Variants in RYR3 observed in about 807,000 individuals in gnomAD.
RYR3 encodes brain ryanodine receptor-calcium release channel.
Under a neutral mutation model 584.3 loss-of-function variants are expected in RYR3, and 207 were observed. The ratio of observed to expected loss-of-function variants is 0.35; its 90% CI spans 0.32 to 0.40. RYR3 has a LOEUF of 0.40. RYR3 is among the 10% of genes least tolerant of loss of function. The pLI, the probability that RYR3 is intolerant of heterozygous loss-of-function variation, is 1.00. For missense variants in RYR3, 5,616 were observed against 6,089.2 expected (o/e 0.92, Z 2.59); for synonymous variants, 2,416 against 2,248.5 (o/e 1.07, Z -2.11).
At chr15:33,853,773 T>G in intron 96 of RYR3, 91 bp downstream of exon 96, 1 of 1,500,004 alleles carries the variant, frequency 6.7e-7, no homozygotes, top group South Asian at 1.3e-5. Context: ...GTGTCTTTGT[T>G]CTCTCAGGCT....
chr15:33,493,817 A>G (rs552105522), intron 2 of RYR3, among the ~76,000 whole-genome samples: 1 of 152,330 alleles, frequency 6.6e-6, no homozygotes, highest in Non-Finnish European at 1.5e-5. Flanking sequence ...GTGCTGTGGC[A>G]CACACTAGTA....
intron 60 of RYR3, among the ~76,000 whole-genome samples, chr15:33,759,648 A>G (rs2072230628): frequency 6.6e-6 from 1 of 152,232 alleles, no homozygotes; most frequent in Non-Finnish European, 1.5e-5. Flanking sequence ...GACTATGTGA[A>G]AAGACCAAAC....
At chr15:33,388,152 G>C (rs972223177) in intron 1 of RYR3, among the ~76,000 whole-genome samples, 1 of 152,028 alleles carries the variant, frequency 6.6e-6, no homozygotes, top group African/African-American at 2.4e-5. Context: ...ATAAGAACAG[G>C]CCACCTGCAA....
chr15:33,853,490 C>G (rs2152998821), intron 95 of RYR3, 65 bp from the exon 96 acceptor site: 2 of 1,578,370 alleles, frequency 1.3e-6, no homozygotes, highest in East Asian at 2.3e-5. Context: ...TCTGAAGACC[C>G]CAGAGCTAGA....
intron 5 of RYR3, 72 bp downstream of exon 5, chr15:33,533,461 G>A (rs1446832931): frequency 3.9e-6 from 4 of 1,036,070 alleles, no homozygotes; most frequent in Admixed American, 2.0e-5. Context: ...GAAGGACCCT[G>A]AATGCGTTAC....
At chr15:33,470,260 C>G (rs2048823016) in intron 1 of RYR3, among the ~76,000 whole-genome samples, 3 of 152,252 alleles carry the variant, frequency 2.0e-5, no homozygotes, top group East Asian at 1.9e-4. Context: ...ACTTTCTTCT[C>G]TTTATTTTGT....
chr15:33,359,549 T>C (rs533198009), intron 1 of RYR3, among the ~76,000 whole-genome samples: 133 of 152,296 alleles, frequency 8.7e-4, no homozygotes, highest in Non-Finnish European at 1.5e-3. Context: ...TTCACTGAGG[T>C]TTCTGCTCAA....
intron 3 of RYR3, among the ~76,000 whole-genome samples, chr15:33,523,867 G>A (rs576273453): frequency 6.3e-4 from 96 of 152,172 alleles, no homozygotes; most frequent in Admixed American, 1.7e-3. Context: ...GTCAGGTATC[G>A]TCAATAAAGG....
chr15:33,464,821 C>T (rs1427813277), intron 1 of RYR3, among the ~76,000 whole-genome samples: 1 of 151,982 alleles, frequency 6.6e-6, no homozygotes, highest in East Asian at 1.9e-4. Flanking sequence ...CCGTGCTGTA[C>T]ATTAGAGCTC....
chr15:33,803,923 A>T (rs1308659779), intron 69 of RYR3, among the ~76,000 whole-genome samples: 1 of 152,230 alleles, frequency 6.6e-6, no homozygotes, highest in Non-Finnish European at 1.5e-5. Flanking sequence ...TGATACCAGG[A>T]CTTGGATCCT....
chr15:33,419,660 CTTCA>C (rs1167844366), intron 1 of RYR3, among the ~76,000 whole-genome samples: 2 of 152,072 alleles, frequency 1.3e-5, no homozygotes, highest in Non-Finnish European at 1.5e-5. Flanking sequence ...GTTTTAGGGG[CTTCA>C]TTTTCTTTAT....
rs544118034 is a variant in RYR3, at chr15:33,555,649, T to A, written c.972+5333T>A. Among the ~76,000 whole-genome samples the A allele has an allele frequency of 5.4e-4, 82 of 152,212 alleles. 5 individuals carry two copies. The highest frequency in any genetic ancestry group is 3.2e-3 in the Middle Eastern group (1 of 316). On this transcript the variant is annotated intron_variant, in intron 10 of 103. Transcript: ENST00000634891. ...AAAAAAGTATGTCTTGAATGATAGC[T>A]GTGAAAATTAAATGAGACCAGGAAG... is the stretch of plus-strand genomic sequence containing the variant.
intron 1 of RYR3, among the ~76,000 whole-genome samples, chr15:33,457,086 CTA>C (rs1268612200): frequency 2.6e-5 from 4 of 152,042 alleles, no homozygotes; most frequent in African/African-American, 9.7e-5. Flanking sequence ...TATTGTGTAA[CTA>C]TGTTTTCCCC....
chr15:33,755,175 A>G lies in RYR3; in HGVS notation c.8510A>G (p.His2837Arg). The change falls in exon 58 of 104, where the codon CAT (histidine) becomes CGT (arginine). Residue 2837 changes from histidine to arginine, a missense_variant. This residue lies in a region of RYR3 where 1,280 missense variants were observed against 1,426.2 expected (regional missense o/e 0.90). Transcript: ENST00000634891. ...YVDSAQEFIA[H>R]LEAIVSSGKT... ...GATTCTGCTCAAGAATTTATTGCCC[A>G]TTTAGGTAAGTATCATCATGAAATA... 1.9e-6 allele frequency: 3 copies of G among 1,574,816 alleles called. No homozygotes were observed. The highest frequency in any genetic ancestry group is 2.6e-6 in the Non-Finnish European group (3 of 1,146,272).
At chr15:33,760,437 A>T (rs1408893183) in intron 60 of RYR3, among the ~76,000 whole-genome samples, 2 of 152,262 alleles carry the variant, frequency 1.3e-5, no homozygotes, top group Admixed American at 1.3e-4. Flanking sequence ...AAGCAAAAAA[A>T]AGCAGGGATT....
chr15:33,573,812 G>A (rs2058159989), intron 12 of RYR3, among the ~76,000 whole-genome samples: 1 of 152,186 alleles, frequency 6.6e-6, no homozygotes, highest in East Asian at 1.9e-4. Flanking sequence ...ACTCTCTGAG[G>A]TTCTTCTAGG....
intron 1 of RYR3, among the ~76,000 whole-genome samples, chr15:33,391,657 G>A (rs1397854993): frequency 6.6e-6 from 1 of 151,868 alleles, no homozygotes; most frequent in Non-Finnish European, 1.5e-5. Context: ...AATTTGAAGG[G>A]CTGGACCAAA....
chr15:33,751,300 A>G (rs780678114), intron 57 of RYR3, among the ~76,000 whole-genome samples: 6 of 152,110 alleles, frequency 3.9e-5, no homozygotes, highest in Non-Finnish European at 8.8e-5. Context: ...GATCCTTGAG[A>G]AATTGCCACA....
At chr15:33,758,223 G>A (rs2072045406) in intron 60 of RYR3, among the ~76,000 whole-genome samples, 1 of 152,158 alleles carries the variant, frequency 6.6e-6, no homozygotes, top group African/African-American at 2.4e-5. Context: ...GGCCGTTCGG[G>A]CAGACACTGA....
Sources: gnomAD v4.1 joint callset for allele counts (sites outside exome capture counted in the v4.1 genomes callset) on GRCh38, gnomAD v4.1.1 for gene constraint, gnomAD v4.1.1 regional missense constraint, MANE v1.5 for transcripts, NCBI Gene and HGNC (gene_info 2026-07-23, HGNC 2026-07-21) for gene names.